The following ACTR3C variants were observed in gnomAD, a reference collection of about 807,000 sequenced individuals.
ACTR3C encodes actin related protein 3C, also known as actin-related protein 3C.
ACTR3C carries 18 observed loss-of-function variants against 26.3 expected under a neutral mutation model. The observed-to-expected ratio is 0.68, with a 90% CI of 0.47 to 1.01. ACTR3C has a LOEUF of 1.01. Ranked by LOEUF, ACTR3C falls within the 50% of genes least tolerant of loss-of-function variation. The probability of loss-of-function intolerance (pLI) is 0.00; values close to 1 mark genes in which losing one functional copy is unlikely to be tolerated. For synonymous variants in ACTR3C, 55 were observed against 94.5 expected (o/e 0.58, Z 2.42); for missense variants, 184 against 250.7 (o/e 0.73, Z 1.80).
the ACTR3C span, among the ~76,000 whole-genome samples, chr7:150,017,938 G>T: frequency 8.8e-4 from 132 of 150,312 alleles, 6 homozygotes; most frequent in Non-Finnish European, 8.8e-5. Context: ...TCCAAAGGCT[G>T]ATTTCTTGCA....
the ACTR3C span, among the ~76,000 whole-genome samples, chr7:150,125,405 T>A: frequency 6.6e-6 from 1 of 151,346 alleles, no homozygotes; most frequent in African/African-American, 2.4e-5. Flanking sequence ...CATAACTGTT[T>A]TGGTAAAATT....
the ACTR3C span, among the ~76,000 whole-genome samples, chr7:150,028,982 C>T: frequency 6.6e-6 from 1 of 152,012 alleles, no homozygotes; most frequent in African/African-American, 2.4e-5. Context: ...ACATGGGAGT[C>T]ACCCAGCTTG....
the ACTR3C span, among the ~76,000 whole-genome samples, chr7:150,158,904 TGC>T: frequency 3.4e-5 from 5 of 146,738 alleles, no homozygotes; most frequent in South Asian, 4.4e-4. Context: ...GGCACACACG[TGC>T]GCACACACAC....
chr7:150,229,673 T>C, the ACTR3C span, among the ~76,000 whole-genome samples: 1 of 149,664 alleles, frequency 6.7e-6, no homozygotes, highest in East Asian at 2.0e-4. Flanking sequence ...TTTTTTGTAT[T>C]TTTAGTAGAG....
At chr7:150,247,015 C>T (rs1235024246), downstream of ACTR3C, 8 of 152,352 alleles carry the variant, frequency 5.3e-5, no homozygotes, top group African/African-American at 1.2e-4. Context: ...AGGCTGGTCT[C>T]GAACTCCCGA....
the ACTR3C span, among the ~76,000 whole-genome samples, chr7:150,198,106 G>A: frequency 1.3e-5 from 2 of 151,374 alleles, no homozygotes; most frequent in African/African-American, 2.5e-5. Context: ...TTGGCCTCCC[G>A]AGGTGCCGGG....
At chr7:149,945,887 A>T in the ACTR3C span, among the ~76,000 whole-genome samples, 1 of 152,184 alleles carries the variant, frequency 6.6e-6, no homozygotes, top group African/African-American at 2.4e-5. Context: ...ATCTGGACCC[A>T]TTGCAGACAA....
the ACTR3C span, among the ~76,000 whole-genome samples, chr7:150,045,311 T>C: frequency 6.6e-6 from 1 of 152,270 alleles, no homozygotes; most frequent in African/African-American, 2.4e-5. Flanking sequence ...GGGCATAACT[T>C]TTCCAATTCT....
At chr7:149,912,687 G>C in the ACTR3C span, among the ~76,000 whole-genome samples, 1 of 152,110 alleles carries the variant, frequency 6.6e-6, no homozygotes, top group Non-Finnish European at 1.5e-5. Context: ...ATTTTTAGTA[G>C]AGATGGGGTT....
At chr7:149,954,326 G>C in the ACTR3C span, among the ~76,000 whole-genome samples, 975 of 152,202 alleles carry the variant, frequency 6.4e-3, 9 homozygotes, top group African/African-American at 0.022. Context: ...GATGAAAACT[G>C]TATCTTAAAG....
At chr7:150,310,388 C>G (rs1255075652) in intron 1 of ACTR3C, among the ~76,000 whole-genome samples, 1 of 152,188 alleles carries the variant, frequency 6.6e-6, no homozygotes, top group African/African-American at 2.4e-5. Flanking sequence ...TATCACTTGC[C>G]TGTTACAGCA....
rs2286448 is a variant in ACTR3C, at chr7:150,289,335, C to T, written c.297+115G>A. On this transcript the variant is annotated intron_variant, in intron 4 of 7. Transcript: ENST00000683684. ...GGGGTAAAACAAATCAAGCCCCACA[C>T]TCATGGGAAGGGGAGAGGATGGAAA... 0.051 allele frequency: 67,975 copies of T among 1,330,740 alleles called. 5,507 individuals carry two copies. Among genetic ancestry groups the T allele is most frequent in the African/African-American group, 0.23 (13,159 of 56,576 alleles). 82.4% of individuals were successfully genotyped at this position (1,330,740 alleles called of 1,614,324 possible). A position where few individuals can be genotyped will look rare whatever the true frequency, so the allele number is the denominator to read the frequency against.
the ACTR3C span, among the ~76,000 whole-genome samples, chr7:150,025,511 C>G: frequency 2.9e-3 from 395 of 134,468 alleles, 6 homozygotes; most frequent in African/African-American, 9.9e-3. Context: ...AAAGCCCCCT[C>G]TCTTTTCCCC....
the ACTR3C span, among the ~76,000 whole-genome samples, chr7:150,041,805 C>CA: frequency 1.5e-5 from 2 of 129,184 alleles, no homozygotes; most frequent in Non-Finnish European, 3.3e-5. Flanking sequence ...GTGCCTCCCC[C>CA]CCTGCGATGG....
chr7:149,889,508 A>T, the ACTR3C span, among the ~76,000 whole-genome samples: 151,286 of 152,310 alleles, frequency 0.99, 75,142 homozygotes, highest in Middle Eastern at 1. Context: ...GAAACTTGAG[A>T]GGCCAGTCAG....
At chr7:149,909,975 C>T in the ACTR3C span, among the ~76,000 whole-genome samples, 1 of 145,446 alleles carries the variant, frequency 6.9e-6, no homozygotes, top group Non-Finnish European at 1.5e-5. Flanking sequence ...ATTTATGCAT[C>T]CCTAATAACT....
the ACTR3C span, among the ~76,000 whole-genome samples, chr7:150,021,054 C>G: frequency 6.6e-6 from 1 of 152,046 alleles, no homozygotes; most frequent in Non-Finnish European, 1.5e-5. Flanking sequence ...CTCCTGACCT[C>G]AGGCGATCCA....
intron 4 of ACTR3C, 84 bp downstream of exon 4, chr7:150,289,366 G>A (rs2286447): frequency 0.049 from 66,751 of 1,364,834 alleles, 5,468 homozygotes; most frequent in African/African-American, 0.22. Flanking sequence ...GGAAAGGAGG[G>A]GCAGGGATGA....
the ACTR3C span, among the ~76,000 whole-genome samples, chr7:150,039,114 A>G: frequency 1.8e-4 from 27 of 149,268 alleles, no homozygotes; most frequent in East Asian, 4.8e-3. Context: ...GGTGGGTCCT[A>G]AGGATCTTAG....
Sources: gnomAD v4.1 joint callset for allele counts (sites outside exome capture counted in the v4.1 genomes callset) on GRCh38, gnomAD v4.1.1 for gene constraint, MANE v1.5 for transcripts, NCBI Gene and HGNC (gene_info 2026-07-23, HGNC 2026-07-21) for gene names.